The following TKFC variants were observed in gnomAD, a reference collection of about 807,000 sequenced individuals.
The protein encoded by TKFC is triokinase and FMN cyclase.
Under a neutral mutation model 61.0 loss-of-function variants are expected in TKFC, and 46 were observed. The ratio of observed to expected loss-of-function variants is 0.75; its 90% confidence interval spans 0.60 to 0.96. The LOEUF (loss-of-function observed/expected upper bound fraction) is 0.96, where lower values mean the gene tolerates loss of function less well. Among genes scored for constraint, TKFC ranks in the 50% least tolerant of loss-of-function variants. The pLI is 0.00. For synonymous variants in TKFC, 314 were observed against 330.1 expected (o/e 0.95, Z 0.53); for missense variants, 715 against 777.5 (o/e 0.92, Z 0.96).
chr11:61,342,525 T>A (rs761214832), intron 8 of TKFC, 30 bp downstream of exon 8: 1 of 1,614,046 alleles, frequency 6.2e-7, no homozygotes, highest in South Asian at 1.1e-5. Flanking sequence ...CAGGCCGCCC[T>A]AAGGCCAAGG....
rs566766633 is a variant in TKFC, at chr11:61,347,868, C to T, written c.*1365C>T. On this transcript the variant is annotated 3_prime_UTR_variant, in exon 18 of 18. Transcript: ENST00000394900. ...AATTGATGAAGATGGGCCATAAAGC[C>T]CAGCACAGTCCAAGTGCTCACTCAC... The T allele has an allele frequency of 1.2e-5, 12 of 983,972 alleles. No homozygotes were observed. In the East Asian group the frequency reaches 1.1e-3, roughly 93 times the overall value. 61.0% of individuals were successfully genotyped at this position (983,972 alleles called of 1,614,324 possible).
downstream of TKFC, chr11:61,350,423 C>T (rs1188569200): frequency 3.7e-6 from 6 of 1,611,520 alleles, no homozygotes; most frequent in Non-Finnish European, 5.1e-6. Context: ...GCAGCAGGGG[C>T]TGGAAAGAGA....
chr11:61,341,886 C>G lies in TKFC; in HGVS notation c.629C>G (p.Ser210Ter). The G allele has an allele frequency of 6.2e-7, 1 of 1,613,726 alleles. No homozygotes were observed. The highest frequency in any genetic ancestry group is 8.5e-7 in the Non-Finnish European group (1 of 1,179,766). Residue 210 changes from serine (S) to a stop codon, truncating the protein, a stop_gained, in exon 7 of 18, where the codon TCA (serine) becomes TGA (stop). Transcript: ENST00000394900. LOFTEE classifies it high-confidence loss of function. ...GGTTCCAAACCCACCTTCGAGCTCTCAGCCGACGAGGTGGAGCTGGGCCTG... is the reference window on the plus strand; with the variant it reads ...GGTTCCAAACCCACCTTCGAGCTCTGAGCCGACGAGGTGGAGCTGGGCCTG... ...VPGSKPTFEL[S>*]ADEVELGLGI...
rs754625426 is a variant in TKFC, at chr11:61,344,240, G to C, written c.1207G>C (p.Asp403His). 6.2e-7 allele frequency: 1 copy of C among 1,612,844 alleles called. No homozygotes were observed. The highest frequency in any genetic ancestry group is 8.5e-7 in the Non-Finnish European group (1 of 1,180,020). The change falls in exon 13 of 18, where the codon GAC (aspartate) becomes CAC (histidine). Residue 403 changes from aspartate (D) to histidine (H), a missense_variant. Transcript: ENST00000394900. ...CCTGGACCGGGCTGCTGGTGACGGC[G>C]ACTGTGGCACCACCCACAGCCGTGC... is the stretch of plus-strand genomic sequence containing the variant. ...NALDRAAGDG[D>H]CGTTHSRAAR...
intron 5 of TKFC, among the ~76,000 whole-genome samples, chr11:61,340,252 T>A (rs2135013715): frequency 6.6e-6 from 1 of 151,880 alleles, no homozygotes; most frequent in Non-Finnish European, 1.5e-5. Flanking sequence ...CCTCAAGTGA[T>A]CTGCCCGCCT....
rs1410943793 is a variant in TKFC at position 61,347,619 on chromosome 11, G to C, written c.*1116G>C. The C allele has an allele frequency of 2.0e-6, 2 of 985,252 alleles. No individual in the cohort carries two copies. Among genetic ancestry groups the C allele is most frequent in the Non-Finnish European group, 2.4e-6 (2 of 829,978 alleles). The allele number at this position is 985,252 out of a possible 1,614,324, so 61.0% of individuals were successfully genotyped here. ...TCTAGAGCGATCACTGATGGCACCA[G>C]GGTGAGCAGGGGCACTGTATGCATG... is the stretch of plus-strand genomic sequence containing the variant. On this transcript the variant is annotated 3_prime_UTR_variant, in exon 18 of 18. Transcript: ENST00000394900.
intron 1 of TKFC, 135 bp downstream of exon 1, chr11:61,333,464 T>A (rs1009503616): frequency 6.5e-6 from 1 of 152,892 alleles, no homozygotes; most frequent in Non-Finnish European, 1.5e-5. Context: ...CGGGAAGGAC[T>A]GCGGAGGCAT....
rs759744986 is a variant in TKFC at position 61,346,368 on chromosome 11, C to T, written c.1593C>T (p.Ala531=). The T allele has an allele frequency of 4.3e-6, 7 of 1,612,700 alleles. No homozygotes were observed. Among genetic ancestry groups the T allele is most frequent in the African/African-American group, 2.7e-5 (2 of 75,044 alleles). ...TCCCCCAGAGTGCCGAAGCTGCAGCCGAGGCCACCAAGAATATGGAAGCTG... is the reference window on the plus strand; with the variant it reads ...TCCCCCAGAGTGCCGAAGCTGCAGCTGAGGCCACCAAGAATATGGAAGCTG... ...TKAVKSAEAA[A]EATKNMEAGA... The change falls in exon 18 of 18, where the codon GCC becomes GCT. Residue 531 remains alanine (A), a synonymous_variant. Transcript: ENST00000394900. The surrounding 1 kb of genome is among the most constrained non-coding windows in gnomAD (Gnocchi z 4.1).
In TKFC at chr11:61,345,739, G is replaced by C; in HGVS notation, c.1479G>C (p.Arg493Ser). 1 of 1,614,234 alleles carries C rather than the reference G, an allele frequency of 6.2e-7. No individual in the cohort carries two copies. The highest frequency in any genetic ancestry group is 1.1e-5 in the South Asian group (1 of 91,082). Reference sequence around the variant, plus strand: ...ATGGCAAGGCTGCTCCAGGGGACAGGACTATGGTATGTACTCAGGCTGTGG... The same window carrying C: ...ATGGCAAGGCTGCTCCAGGGGACAGCACTATGGTATGTACTCAGGCTGTGG... Reference protein sequence around the residue: ...QKYGKAAPGDRTMLDSLWAAG... With the variant: ...QKYGKAAPGDSTMLDSLWAAG... Residue 493 changes from arginine to serine, a missense_variant, in exon 16 of 18, where the codon AGG (arginine) becomes AGC (serine). Arg to Ser is a moderately radical substitution (Grantham distance 110, BLOSUM62 -1). Transcript: ENST00000394900.
In TKFC at chr11:61,339,348, G is replaced by A. The variant is rs778035941; in HGVS notation, c.399G>A (p.Glu133=). 3.1e-6 allele frequency: 5 copies of A among 1,613,698 alleles called. No individual in the cohort carries two copies. In the South Asian group the frequency reaches 5.5e-5, roughly 18 times the overall value. The change falls in exon 5 of 18, where the codon GAG becomes GAA. Residue 133 remains glutamate (E), a synonymous_variant. Transcript: ENST00000394900. ...EQARAEGIPV[E]MVVIGDDSAF... ...CCCGGGCTGAAGGCATCCCGGTGGAGATGGTGGTGATTGGGGACGACAGCG... is the reference window on the plus strand; with the variant it reads ...CCCGGGCTGAAGGCATCCCGGTGGAAATGGTGGTGATTGGGGACGACAGCG...
At chr11:61,336,769 C>T (rs1040138545) in intron 2 of TKFC, among the ~76,000 whole-genome samples, 2 of 152,150 alleles carry the variant, frequency 1.3e-5, no homozygotes, top group Non-Finnish European at 2.9e-5. Flanking sequence ...CCAAGCCTGG[C>T]GGCACTGCTC....
Position 61,345,945 on chromosome 11 carries a change from A to G in TKFC, c.1574A>G (p.Lys525Arg), listed in dbSNP as rs1454515688. 6 of 1,613,580 alleles carry G rather than the reference A, an allele frequency of 3.7e-6. No individual in the cohort carries two copies. The East Asian group carries it at 6.7e-5, about 18-fold the overall frequency. The change falls in exon 17 of 18, where the codon AAG becomes AGG. Residue 525 changes from lysine to arginine, a missense_variant and splice_region_variant. By Grantham distance (26) the Lys-to-Arg change is conservative. Coordinates refer to ENST00000394900, the MANE Select transcript of TKFC (RefSeq NM_015533.4). The stretch of plus-strand genomic sequence containing the variant: ...TTACAAGTCCTGACCAAAGCAGTCA[A>G]GGTGAGTGAGGCTGGGCCCAGCCAC... ...DLLQVLTKAV[K>R]SAEAAAEATK...
chr11:61,340,212 A>C (rs901416431), intron 5 of TKFC, among the ~76,000 whole-genome samples: 3 of 151,672 alleles, frequency 2.0e-5, no homozygotes, highest in Admixed American at 2.0e-4. Flanking sequence ...TGGTTTCACC[A>C]TGTTGGCCAG....
chr11:61,335,314 C>T (rs1381900068), intron 2 of TKFC: 3 of 156,082 alleles, frequency 1.9e-5, no homozygotes, highest in Non-Finnish European at 4.3e-5. Context: ...GGCCTACCTC[C>T]AGTGGTTGTG....
At position 61,347,068 on chromosome 11, in the gene TKFC, T is replaced by A; in HGVS notation, c.*565T>A. On this transcript the variant is annotated 3_prime_UTR_variant, in exon 18 of 18. Transcript: ENST00000394900. Reference sequence around the variant, plus strand: ...GCAGTGTCTCCTCAGCTGGGCTGCTTCCACTGAGACCCCCGACCCATCCCC... The same window carrying A: ...GCAGTGTCTCCTCAGCTGGGCTGCTACCACTGAGACCCCCGACCCATCCCC... 1.0e-6 allele frequency: 1 copy of A among 985,734 alleles called. No individual in the cohort carries two copies. Among genetic ancestry groups the A allele is most frequent in the Non-Finnish European group, 1.2e-6 (1 of 830,238 alleles). The allele number at this position is 985,734 out of a possible 1,614,324, so 61.1% of individuals were successfully genotyped here.
At position 61,347,070 on chromosome 11, in the gene TKFC, C is replaced by T. The variant is rs1565060521; in HGVS notation, c.*567C>T. 16 of 985,592 alleles carry T rather than the reference C, an allele frequency of 1.6e-5. No individual in the cohort carries two copies. Among genetic ancestry groups the T allele is most frequent in the Non-Finnish European group, 1.8e-5 (15 of 830,238 alleles). The allele number at this position is 985,592 out of a possible 1,614,324, so 61.1% of individuals were successfully genotyped here. On this transcript the variant is annotated 3_prime_UTR_variant, in exon 18 of 18. Coordinates refer to ENST00000394900, the MANE Select transcript of TKFC (RefSeq NM_015533.4). ...AGTGTCTCCTCAGCTGGGCTGCTTC[C>T]ACTGAGACCCCCGACCCATCCCCTT...
chr11:61,348,290 A>G lies in TKFC; in HGVS notation c.*1787A>G, dbSNP rs958503824. 3.0e-6 allele frequency: 3 copies of G among 985,238 alleles called. No individual in the cohort carries two copies. The highest frequency in any genetic ancestry group is 3.6e-6 in the Non-Finnish European group (3 of 829,940). 61.0% of individuals were successfully genotyped at this position (985,238 alleles called of 1,614,324 possible). ...GTGAGATAAGCACGTGCCATTAGCTATTAAGGACACGCACATAAATGAGCT... is the reference window on the plus strand; with the variant it reads ...GTGAGATAAGCACGTGCCATTAGCTGTTAAGGACACGCACATAAATGAGCT... On this transcript the variant is annotated 3_prime_UTR_variant, in exon 18 of 18. Coordinates refer to ENST00000394900, the MANE Select transcript of TKFC (RefSeq NM_015533.4).
downstream of TKFC, chr11:61,349,311 C>T: frequency 2.0e-6 from 1 of 509,512 alleles, no homozygotes; most frequent in Non-Finnish European, 3.6e-6. Context: ...AGGAACCCCT[C>T]TGAAGGTGGC....
chr11:61,348,675 C>A lies in TKFC; in HGVS notation c.*2172C>A. On this transcript the variant is annotated 3_prime_UTR_variant, in exon 18 of 18. Transcript: ENST00000394900. ...TGGTCTCTGAGGAAGCTGGCCCTTG[C>A]CACACACCACATTTGCCAGCGCCTT... The A allele has an allele frequency of 5.0e-6, 1 of 200,342 alleles. No individual in the cohort carries two copies. The highest frequency in any genetic ancestry group is 8.9e-6 in the Non-Finnish European group (1 of 112,070). The allele number at this position is 200,342 out of a possible 1,614,324, so 12.4% of individuals were successfully genotyped here. A position where few individuals can be genotyped will look rare whatever the true frequency, so the allele number is the denominator to read the frequency against.
Sources: gnomAD v4.1 joint callset for allele counts (sites outside exome capture counted in the v4.1 genomes callset) on GRCh38, gnomAD v4.1.1 for gene constraint, Gnocchi (gnomAD v3.1) non-coding constraint, MANE v1.5 for transcripts, NCBI Gene and HGNC (gene_info 2026-07-23, HGNC 2026-07-21) for gene names.